SH2D1B: variants seen among roughly 807,000 people sequenced by gnomAD.
The protein encoded by SH2D1B is SH2 domain containing 1B.
In SH2D1B, 11 loss-of-function variants were observed where a neutral mutation model predicts 16.3. The ratio of observed to expected loss-of-function variants is 0.67; its 90% CI spans 0.42 to 1.11. The LOEUF is 1.11. SH2D1B is among the 50% of genes most tolerant of loss of function. The pLI, the probability that SH2D1B is intolerant of heterozygous loss-of-function variation, is 0.00. For synonymous variants in SH2D1B, 55 were observed against 56.1 expected (o/e 0.98, Z 0.09); for missense variants, 123 against 153.1 (o/e 0.80, Z 1.04).
Position 162,397,152 on chromosome 1 carries a change from G to C in SH2D1B, c.*128C>G. On this transcript the variant is annotated 3_prime_UTR_variant, in exon 4 of 4. Coordinates refer to ENST00000367929, the MANE Select transcript of SH2D1B (RefSeq NM_053282.5). Reference sequence around the variant, plus strand: ...GGTGCTGGTGGGCAGAACATCTTCAGTTACACAACCAGGAGAGTCTGAATT... The same window carrying C: ...GGTGCTGGTGGGCAGAACATCTTCACTTACACAACCAGGAGAGTCTGAATT... 2 of 997,258 alleles carry C rather than the reference G, an allele frequency of 2.0e-6. No homozygotes were observed. Among genetic ancestry groups the C allele is most frequent in the East Asian group, 5.0e-5 (2 of 40,240 alleles). The allele number at this position is 997,258 out of a possible 1,614,324, so 61.8% of individuals were successfully genotyped here.
chr1:162,401,304 A>G (rs1254086782), intron 2 of SH2D1B, among the ~76,000 whole-genome samples: 1 of 147,884 alleles, frequency 6.8e-6, no homozygotes, highest in Non-Finnish European at 1.5e-5. Context: ...AATTATCCAG[A>G]ATTTCCCAAA....
At chr1:162,405,724 T>C (rs1462137850) in intron 1 of SH2D1B, among the ~76,000 whole-genome samples, 4 of 152,222 alleles carry the variant, frequency 2.6e-5, no homozygotes, top group South Asian at 4.1e-4. Flanking sequence ...ATAAAAAACA[T>C]TTAAAAATCT....
At chr1:162,400,844 G>T (rs1473612681) in intron 2 of SH2D1B, among the ~76,000 whole-genome samples, 1 of 152,034 alleles carries the variant, frequency 6.6e-6, no homozygotes, top group Non-Finnish European at 1.5e-5. Context: ...AGCTACTCGG[G>T]AGGTTGAGCC....
chr1:162,403,503 AAAAAAAAAATATATATATAT>A lies in SH2D1B; in HGVS notation c.135-721_135-702del, dbSNP rs1437480165. Among the ~76,000 whole-genome samples, 41 of 40,820 alleles carry A rather than the reference AAAAAAAAAATATATATATAT, an allele frequency of 1.0e-3. 1 individual carries two copies. The highest frequency in any genetic ancestry group is 1.5e-3 in the Admixed American group (4 of 2,600). 26.8% of individuals were successfully genotyped at this position (40,820 alleles called of 152,430 possible). A position where few individuals can be genotyped will look rare whatever the true frequency, so the allele number is the denominator to read the frequency against. On this transcript the variant is annotated intron_variant, in intron 1 of 3. Transcript: ENST00000367929. ...GACTCTGTCTGAAAAAAAAAAAAAA[AAAAAAAAAATATATATATAT>A]ATATATATATATATATATATGTAAT... is the stretch of plus-strand genomic sequence containing the variant.
chr1:162,411,832 T>C (rs1296237006), intron 1 of SH2D1B, 51 bp downstream of exon 1: 1 of 1,610,284 alleles, frequency 6.2e-7, no homozygotes, highest in East Asian at 2.2e-5. Context: ...GTGGCAGCCA[T>C]TGCCACATTC....
At chr1:162,411,464 T>G (rs1041916947) in intron 1 of SH2D1B, among the ~76,000 whole-genome samples, 1 of 152,176 alleles carries the variant, frequency 6.6e-6, no homozygotes, top group African/African-American at 2.4e-5. Flanking sequence ...GTATTTATAG[T>G]TTACGTATTG....
intron 2 of SH2D1B, among the ~76,000 whole-genome samples, chr1:162,400,256 G>A (rs1036372142): frequency 7.7e-6 from 1 of 129,348 alleles, no homozygotes; most frequent in Non-Finnish European, 1.7e-5. Flanking sequence ...GTAAATAGAT[G>A]TTTTCTGTTT....
At chr1:162,402,870 T>G (rs1648553938) in intron 1 of SH2D1B, 68 bp from the exon 2 acceptor site, 3 of 1,228,186 alleles carry the variant, frequency 2.4e-6, no homozygotes, top group East Asian at 2.3e-5. Context: ...ATCGTTATGT[T>G]TCATATGCAA....
rs148737255 is a variant in SH2D1B at position 162,407,978 on chromosome 1, T to C, written c.134+3905A>G. Among the ~76,000 whole-genome samples, 534 of 152,356 alleles carry C rather than the reference T, an allele frequency of 3.5e-3. 1 individual carries two copies. The highest frequency in any genetic ancestry group is 0.012 in the African/African-American group (519 of 41,580). On this transcript the variant is annotated intron_variant, in intron 1 of 3. Transcript: ENST00000367929. Reference sequence around the variant, plus strand: ...CTCCTAAAGTCTCAGCTCCAATATCTGGTTCTCCCCTTTTTGCTGTCAGCT... The same window carrying C: ...CTCCTAAAGTCTCAGCTCCAATATCCGGTTCTCCCCTTTTTGCTGTCAGCT...
intron 1 of SH2D1B, among the ~76,000 whole-genome samples, chr1:162,403,109 G>T (rs1648562368): frequency 6.6e-6 from 1 of 151,942 alleles, no homozygotes; most frequent in South Asian, 2.1e-4. Context: ...AGGATATAGA[G>T]AAAGGAAAAC....
intron 1 of SH2D1B, among the ~76,000 whole-genome samples, chr1:162,411,128 G>C (rs1648785130): frequency 6.6e-6 from 1 of 151,618 alleles, no homozygotes; most frequent in South Asian, 2.1e-4. Context: ...GTTAATTTTT[G>C]TATTTTTGGT....
At chr1:162,404,666 T>C (rs1299932242) in intron 1 of SH2D1B, among the ~76,000 whole-genome samples, 1 of 151,982 alleles carries the variant, frequency 6.6e-6, no homozygotes, top group African/African-American at 2.4e-5. Context: ...GAAAAGAAAA[T>C]ACATGGATGG....
At chr1:162,402,710 G>T (rs770547525) in intron 2 of SH2D1B, 29 bp downstream of exon 2, 2 of 1,588,656 alleles carry the variant, frequency 1.3e-6, no homozygotes, top group African/African-American at 1.3e-5. Context: ...CTTTTGTGTT[G>T]TTGTTGTTGT....
In SH2D1B at chr1:162,402,808, G is replaced by A. The variant is rs1557910724; in HGVS notation, c.135-6C>T. On this transcript the variant is annotated splice_region_variant and splice_polypyrimidine_tract_variant and intron_variant, in intron 1 of 3. Transcript: ENST00000367929. ...TGTAGACAATATTTTTAAACCTGTG[G>A]AAAAAATGACTGTGTGAATCAAAAT... The A allele has an allele frequency of 6.2e-7, 1 of 1,611,052 alleles. No individual in the cohort carries two copies. The highest frequency in any genetic ancestry group is 1.1e-5 in the South Asian group (1 of 90,942).
intron 3 of SH2D1B, among the ~76,000 whole-genome samples, chr1:162,398,010 G>T (rs998283571): frequency 2.0e-5 from 3 of 152,176 alleles, no homozygotes; most frequent in Non-Finnish European, 4.4e-5. Context: ...TCATGGGGAT[G>T]GGGGGACAGG....
intron 1 of SH2D1B, among the ~76,000 whole-genome samples, chr1:162,409,744 T>G (rs1648748767): frequency 1.3e-5 from 2 of 151,442 alleles, no homozygotes; most frequent in African/African-American, 4.8e-5. Context: ...GCCTGGCTAA[T>G]TTTTGTATTT....
chr1:162,408,300 T>G (rs756616456), intron 1 of SH2D1B, among the ~76,000 whole-genome samples: 15 of 152,152 alleles, frequency 9.9e-5, no homozygotes, highest in Non-Finnish European at 2.1e-4. Context: ...TGCCTTTCAG[T>G]GACATGTGTA....
intron 1 of SH2D1B, among the ~76,000 whole-genome samples, chr1:162,407,363 T>C (rs952659386): frequency 3.3e-5 from 5 of 152,172 alleles, no homozygotes; most frequent in Non-Finnish European, 7.3e-5. Context: ...TTGGGCATTT[T>C]ATAACACAGA....
intron 1 of SH2D1B, among the ~76,000 whole-genome samples, chr1:162,409,451 A>T (rs1648742046): frequency 6.6e-6 from 1 of 152,196 alleles, no homozygotes. Context: ...GCTGGTTTCC[A>T]AACTACATTT....
Sources: gnomAD v4.1 joint callset for allele counts (sites outside exome capture counted in the v4.1 genomes callset) on GRCh38, gnomAD v4.1.1 for gene constraint, MANE v1.5 for transcripts, NCBI Gene and HGNC (gene_info 2026-07-23, HGNC 2026-07-21) for gene names.